HPSE: variants seen among roughly 807,000 people sequenced by gnomAD.
HPSE encodes heparanase.
HPSE carries 48 observed loss-of-function variants against 65.1 expected under a neutral mutation model. The observed-to-expected ratio is 0.74, with a 90% CI of 0.58 to 0.94. The LOEUF (loss-of-function observed/expected upper bound fraction) is 0.94, where lower values mean the gene tolerates loss of function less well. Ranked by LOEUF, HPSE falls within the 40% of genes least tolerant of loss-of-function variation. HPSE has a pLI of 0.00. For synonymous variants in HPSE, 243 were observed against 260.0 expected, an observed-to-expected ratio of 0.93 and a Z score of 0.63; for missense variants, 644 against 637.5, an observed-to-expected ratio of 1.01 and a Z score of -0.11.
At position 83,299,092 on chromosome 4, in the gene HPSE, G is replaced by A. The variant is rs375801892; in HGVS notation, c.1472+1868C>T. ...TCAGAATGTAATAGGGGCAGGGCAC[G>A]GTGGCTCACTCGTGTAATCCTAGCA... On this transcript the variant is annotated intron_variant, in intron 11 of 11. Transcript: ENST00000311412. Among the ~76,000 whole-genome samples, 10 of 151,948 alleles carry A rather than the reference G, an allele frequency of 6.6e-5. No individual in the cohort carries two copies. In the East Asian group the frequency reaches 1.2e-3, roughly 18 times the overall value.
chr4:83,300,879 T>C, intron 11 of HPSE, 81 bp downstream of exon 11: 2 of 839,110 alleles, frequency 2.4e-6, no homozygotes, highest in Non-Finnish European at 3.5e-6. Flanking sequence ...CTTTGTCTTT[T>C]GCTCCCTGTC....
chr4:83,317,738 C>A (rs114274386), intron 3 of HPSE, among the ~76,000 whole-genome samples: 1 of 151,788 alleles, frequency 6.6e-6, no homozygotes, highest in African/African-American at 2.4e-5. Flanking sequence ...CTATATCTTC[C>A]GGGACATGTG....
chr4:83,318,100 C>G (rs1053620420), intron 3 of HPSE, among the ~76,000 whole-genome samples: 4 of 152,002 alleles, frequency 2.6e-5, no homozygotes, highest in Non-Finnish European at 5.9e-5. Flanking sequence ...ACATTGAACT[C>G]CAGGTAGTAT....
intron 3 of HPSE, among the ~76,000 whole-genome samples, chr4:83,317,392 G>T (rs1736695834): frequency 6.6e-6 from 1 of 152,168 alleles, no homozygotes; most frequent in South Asian, 2.1e-4. Context: ...CAATGAGTAG[G>T]TGCCCAAACT....
chr4:83,331,257 C>T (rs980945954), intron 1 of HPSE, among the ~76,000 whole-genome samples: 14 of 151,656 alleles, frequency 9.2e-5, no homozygotes, highest in African/African-American at 2.9e-4. Context: ...AAATAATACA[C>T]GCCAGATTAT....
intron 3 of HPSE, 161 bp downstream of exon 3, chr4:83,319,183 C>A (rs7441443): frequency 8.6e-6 from 6 of 696,484 alleles, no homozygotes; most frequent in African/African-American, 3.6e-5. Flanking sequence ...AAAAAAAAAA[C>A]CAAAAAGCAA....
At chr4:83,320,751 A>G (rs1736859905) in intron 2 of HPSE, among the ~76,000 whole-genome samples, 1 of 152,158 alleles carries the variant, frequency 6.6e-6, no homozygotes, top group Non-Finnish European at 1.5e-5. Context: ...CTGGGCTCAC[A>G]GAGGATGTTT....
At position 83,293,408 on chromosome 4, in the gene HPSE, T is replaced by C. The variant is rs1735617857; in HGVS notation, c.*1936A>G. 6.6e-6 allele frequency: 1 copy of C among 151,984 alleles called. No individual in the cohort carries two copies. Among genetic ancestry groups the C allele is most frequent in the Admixed American group, 6.6e-5 (1 of 15,264 alleles). 9.4% of individuals were successfully genotyped at this position (151,984 alleles called of 1,614,324 possible). On this transcript the variant is annotated 3_prime_UTR_variant, in exon 12 of 12. Transcript: ENST00000311412. Reference sequence around the variant, plus strand: ...AGCTACAGCCATCATGCTACCAGAGTCTGAGAATGAAGCCAGCGCTAAAGA... The same window carrying C: ...AGCTACAGCCATCATGCTACCAGAGCCTGAGAATGAAGCCAGCGCTAAAGA...
intron 1 of HPSE, among the ~76,000 whole-genome samples, chr4:83,329,496 T>C (rs1454686256): frequency 1.3e-5 from 2 of 152,130 alleles, no homozygotes; most frequent in East Asian, 3.9e-4. Context: ...AGCTGTTCAG[T>C]GGAGGTATTT....
intron 1 of HPSE, among the ~76,000 whole-genome samples, chr4:83,334,001 T>G (rs1359162083): frequency 6.6e-6 from 1 of 152,176 alleles, no homozygotes; most frequent in Non-Finnish European, 1.5e-5. Context: ...CCTGCCTGGT[T>G]TCCCTCCTCT....
intron 1 of HPSE, among the ~76,000 whole-genome samples, chr4:83,323,590 A>G (rs1388651633): frequency 6.6e-6 from 1 of 152,182 alleles, no homozygotes; most frequent in Non-Finnish European, 1.5e-5. Flanking sequence ...AGAAGTTTAT[A>G]AATGACTTAG....
At chr4:83,305,967 T>G (rs560341266) in intron 9 of HPSE, among the ~76,000 whole-genome samples, 1 of 152,318 alleles carries the variant, frequency 6.6e-6, no homozygotes, top group East Asian at 1.9e-4. Context: ...TTAAACAAAA[T>G]CCACACTATA....
At chr4:83,306,384 C>G in intron 8 of HPSE, 67 bp from the exon 9 acceptor site, 2 of 762,180 alleles carry the variant, frequency 2.6e-6, no homozygotes, top group South Asian at 3.1e-5. Flanking sequence ...TAATTGCACA[C>G]CATCTTGATT....
chr4:83,296,929 A>T (rs1161422226), intron 11 of HPSE, among the ~76,000 whole-genome samples: 5 of 152,214 alleles, frequency 3.3e-5, no homozygotes, highest in Admixed American at 3.3e-4. Context: ...ACATGTATAC[A>T]GTCATATGCC....
intron 3 of HPSE, among the ~76,000 whole-genome samples, chr4:83,314,009 T>C (rs1736526340): frequency 6.6e-6 from 1 of 152,118 alleles, no homozygotes. Flanking sequence ...TCCTAGCACT[T>C]TGGGAGGCCG....
Position 83,306,318 on chromosome 4 carries a change from C to T in HPSE, c.1092-1G>A. On this transcript the variant is annotated splice_acceptor_variant, in intron 8 of 11. Coordinates refer to ENST00000311412, the MANE Select transcript of HPSE (RefSeq NM_001098540.3). LOFTEE classifies it high-confidence loss of function. ...TGACAGGCCCAATTTATCCAGCCACCTGGGACAGAGCAAGACCAAGCTTTC... is the reference window on the plus strand; with the variant it reads ...TGACAGGCCCAATTTATCCAGCCACTTGGGACAGAGCAAGACCAAGCTTTC... 2 of 1,578,314 alleles carry T rather than the reference C, an allele frequency of 1.3e-6. No homozygotes were observed. The highest frequency in any genetic ancestry group is 1.7e-6 in the Non-Finnish European group (2 of 1,147,274).
intron 1 of HPSE, 143 bp downstream of exon 1, chr4:83,334,413 G>T: frequency 1.1e-6 from 1 of 906,050 alleles, no homozygotes; most frequent in Non-Finnish European, 1.7e-6. Context: ...GAGAATGAGA[G>T]GCGGGAAGTG....
chr4:83,302,492 A>G (rs1309040963), intron 9 of HPSE, among the ~76,000 whole-genome samples: 2 of 151,988 alleles, frequency 1.3e-5, no homozygotes, highest in Non-Finnish European at 2.9e-5. Flanking sequence ...GGAGGACACA[A>G]TTCAAAAGGC....
rs1260319819 is a variant in HPSE, at chr4:83,293,572, T to TA, written c.*1771dup. The TA allele has an allele frequency of 6.6e-6, 1 of 152,244 alleles. No individual in the cohort carries two copies. The highest frequency in any genetic ancestry group is 1.5e-5 in the Non-Finnish European group (1 of 68,050). 9.4% of individuals were successfully genotyped at this position (152,244 alleles called of 1,614,324 possible). A position where few individuals can be genotyped will look rare whatever the true frequency, so the allele number is the denominator to read the frequency against. ...AGCCATTTGAATTAGGAGTTTCTGT[T>TA]ACTTGCAGCCAAAAGCTTCCCAACT... On this transcript the variant is annotated 3_prime_UTR_variant, in exon 12 of 12. Coordinates refer to ENST00000311412, the MANE Select transcript of HPSE (RefSeq NM_001098540.3).
Sources: gnomAD v4.1 joint callset for allele counts (sites outside exome capture counted in the v4.1 genomes callset) on GRCh38, gnomAD v4.1.1 for gene constraint, MANE v1.5 for transcripts, NCBI Gene and HGNC (gene_info 2026-07-23, HGNC 2026-07-21) for gene names.